The following HECW1 variants were observed in gnomAD, a reference collection of about 807,000 sequenced individuals.
The protein encoded by HECW1 is E3 ubiquitin-protein ligase HECW1.
HECW1 carries 61 observed loss-of-function variants against 182.3 expected under a neutral mutation model. The observed-to-expected ratio is 0.33, with a 90% CI of 0.27 to 0.41. The LOEUF is 0.41. Ranked by LOEUF, HECW1 falls within the 10% of genes least tolerant of loss-of-function variation. The pLI, the probability that HECW1 is intolerant of heterozygous loss-of-function variation, is 1.00. For synonymous variants in HECW1, 859 were observed against 832.6 expected, an observed-to-expected ratio of 1.03 and a Z score of -0.55; for missense variants, 1,739 against 2,108.9, an observed-to-expected ratio of 0.82 and a Z score of 3.44.
At chr7:43,320,440 C>T (rs912551416) in intron 4 of HECW1, among the ~76,000 whole-genome samples, 195 bp from the exon 5 acceptor site, 4 of 152,186 alleles carry the variant, frequency 2.6e-5, no homozygotes, top group African/African-American at 9.7e-5. Context: ...GGTTGGGAGG[C>T]GATCCCGGCA....
intron 2 of HECW1, among the ~76,000 whole-genome samples, chr7:43,127,306 C>T (rs1307757743): frequency 6.6e-6 from 1 of 152,010 alleles, no homozygotes; most frequent in Non-Finnish European, 1.5e-5. Context: ...GATAGATCAC[C>T]TGAGGTCAGG....
intron 8 of HECW1, among the ~76,000 whole-genome samples, chr7:43,437,237 G>A (rs571245442): frequency 2.0e-5 from 3 of 152,236 alleles, no homozygotes; most frequent in African/African-American, 7.2e-5. Context: ...TTTCATGTCT[G>A]TGTATGTTGA....
intron 1 of HECW1, chr7:43,113,574 T>C (rs1183477960): frequency 5.7e-6 from 1 of 175,882 alleles, no homozygotes; most frequent in African/African-American, 2.4e-5. Context: ...GCTGCGCCGC[T>C]CAGCCGGGCC....
intron 3 of HECW1, among the ~76,000 whole-genome samples, chr7:43,251,052 G>A (rs1461270963): frequency 6.6e-6 from 1 of 152,164 alleles, no homozygotes; most frequent in African/African-American, 2.4e-5. Context: ...TGGTGTCAGG[G>A]ACCCCACCCC....
chr7:43,153,202 T>C (rs1789528218), intron 2 of HECW1, among the ~76,000 whole-genome samples: 2 of 152,192 alleles, frequency 1.3e-5, no homozygotes, highest in Admixed American at 6.5e-5. Flanking sequence ...ATCAAGCCCA[T>C]TGTTAAAAAA....
rs1208704522 is a variant in HECW1, at chr7:43,463,760, G to A, written c.2752G>A (p.Gly918Arg). 1.2e-6 allele frequency: 2 copies of A among 1,614,058 alleles called. No individual in the cohort carries two copies. The highest frequency in any genetic ancestry group is 8.5e-7 in the Non-Finnish European group (1 of 1,180,016). ...QAPAGGGGGG[G>R]SDSEAESSQS... ...CCCAGCAGGAGGAGGCGGAGGTGGA[G>A]GGAGTGACTCAGAAGCCGAATCTTC... The change falls in exon 14 of 30, where the codon GGG (glycine) becomes AGG (arginine). Residue 918 changes from glycine (G) to arginine (R), a missense_variant. Gly to Arg is a moderately radical substitution (Grantham distance 125, BLOSUM62 -2). This residue lies in a region of HECW1 where 971 missense variants were observed against 1,029.1 expected (regional missense o/e 0.94). Transcript: ENST00000395891.
chr7:43,502,442 A>G (rs528609560), intron 21 of HECW1, among the ~76,000 whole-genome samples: 65 of 152,292 alleles, frequency 4.3e-4, no homozygotes, highest in South Asian at 2.3e-3. Flanking sequence ...GGATCACTTG[A>G]GCCCAAGAGT....
chr7:43,474,929 A>C (rs2078164578), intron 16 of HECW1, among the ~76,000 whole-genome samples: 1 of 152,224 alleles, frequency 6.6e-6, no homozygotes, highest in South Asian at 2.1e-4. Context: ...AACCTAGAAT[A>C]GATTTATAGA....
At chr7:43,484,264 T>A (rs1008835227) in intron 17 of HECW1, 20 of 152,248 alleles carry the variant, frequency 1.3e-4, no homozygotes, top group African/African-American at 4.6e-4. Context: ...ACCCATTAAC[T>A]ACATAGAGCT....
intron 13 of HECW1, among the ~76,000 whole-genome samples, chr7:43,459,312 T>A (rs983704304): frequency 3.3e-5 from 5 of 152,262 alleles, no homozygotes; most frequent in African/African-American, 4.8e-5. Flanking sequence ...TACTACTCAG[T>A]ACAAGATCAT....
intron 29 of HECW1, 115 bp from the exon 30 acceptor site, chr7:43,561,700 C>A: frequency 1.5e-6 from 1 of 675,460 alleles, no homozygotes; most frequent in Admixed American, 2.6e-5. Context: ...GGTCCTAAAT[C>A]ATGGTCCTGC....
intron 2 of HECW1, among the ~76,000 whole-genome samples, chr7:43,151,863 A>G (rs970797684): frequency 1.3e-5 from 2 of 152,220 alleles, no homozygotes; most frequent in Admixed American, 1.3e-4. Flanking sequence ...GGCTAAAGAA[A>G]GATTTGAGGT....
Position 43,305,783 on chromosome 7 carries a change from G to A in HECW1, c.28-5980G>A, listed in dbSNP as rs551480330. Among the ~76,000 whole-genome samples the A allele has an allele frequency of 6.0e-5, 9 of 150,840 alleles. 1 individual carries two copies. The highest frequency in any genetic ancestry group is 3.3e-4 in the Admixed American group (5 of 15,144). ...CCAGCTAATTTTTTTTTTTTGAGAC[G>A]GAGTTTCGCTCTTGTTGCCCAGGCT... On this transcript the variant is annotated intron_variant, in intron 3 of 29. Transcript: ENST00000395891.
At chr7:43,422,482 C>T (rs2076217214) in intron 8 of HECW1, among the ~76,000 whole-genome samples, 1 of 151,724 alleles carries the variant, frequency 6.6e-6, no homozygotes, top group South Asian at 2.1e-4. Flanking sequence ...CCTACCTCAG[C>T]CTCCCGAGTA....
chr7:43,350,836 A>T (rs549567475), intron 5 of HECW1, among the ~76,000 whole-genome samples: 8 of 152,220 alleles, frequency 5.3e-5, no homozygotes, highest in Non-Finnish European at 1.2e-4. Flanking sequence ...TGATTAGCAT[A>T]ATAACTAACC....
At chr7:43,123,875 C>CGGCA (rs1385067609) in intron 2 of HECW1, among the ~76,000 whole-genome samples, 1 of 152,184 alleles carries the variant, frequency 6.6e-6, no homozygotes, top group Non-Finnish European at 1.5e-5. Context: ...CTCAGTTAAA[C>CGGCA]GGCACATATT....
chr7:43,272,000 C>A (rs1802461992), intron 3 of HECW1, among the ~76,000 whole-genome samples: 1 of 151,960 alleles, frequency 6.6e-6, no homozygotes, highest in Admixed American at 6.6e-5. Flanking sequence ...CAAAAACAGA[C>A]CCAGACCAAT....
chr7:43,133,168 C>T (rs1258090049), intron 2 of HECW1, among the ~76,000 whole-genome samples: 1 of 151,790 alleles, frequency 6.6e-6, no homozygotes, highest in Non-Finnish European at 1.5e-5. Context: ...AACCTGAGCA[C>T]TATTATTTTT....
Position 43,444,670 on chromosome 7 carries a change from G to A in HECW1, c.1498G>A (p.Glu500Lys), listed in dbSNP as rs1214501762. ...AACGACCCAGAGCCGGGCTGGAAGG[G>A]AAGAAGAGGAGAAGGAGCAGGAGGA... ...EATTQSRAGR[E>K]EEEKEQEEEG... The change falls in exon 11 of 30, where the codon GAA becomes AAA. Residue 500 changes from glutamate to lysine, a missense_variant. Glu to Lys is a moderately conservative substitution (Grantham distance 56). Around this residue, in one of 5 missense-constraint regions of HECW1, gnomAD observed 971 missense variants for 1,029.1 expected, o/e 0.94. Coordinates refer to ENST00000395891, the MANE Select transcript of HECW1 (RefSeq NM_015052.5). The surrounding 1 kb of genome is among the most constrained non-coding windows in gnomAD (Gnocchi z 4.3). The A allele has an allele frequency of 1.9e-6, 3 of 1,605,886 alleles. No homozygotes were observed. The highest frequency in any genetic ancestry group is 2.6e-6 in the Non-Finnish European group (3 of 1,176,034).
Sources: allele counts gnomAD v4.1 joint callset (sites outside exome capture counted in the v4.1 genomes callset), GRCh38; gene constraint gnomAD v4.1.1; regional missense constraint gnomAD v4.1.1; non-coding constraint Gnocchi (gnomAD v3.1); transcripts MANE v1.5; gene names NCBI Gene and HGNC (gene_info 2026-07-23, HGNC 2026-07-21).